The following DPH7 variants were observed in gnomAD, a reference collection of about 807,000 sequenced individuals.
DPH7 encodes diphthamide biosynthesis 7.
Under a neutral mutation model 41.7 loss-of-function variants are expected in DPH7, and 44 were observed. The ratio of observed to expected loss-of-function variants is 1.05; its 90% CI spans 0.83 to 1.36. The LOEUF (loss-of-function observed/expected upper bound fraction) is 1.36. Ranked by LOEUF, DPH7 falls within the 40% of genes most tolerant of loss-of-function variation. The probability of loss-of-function intolerance (pLI) is 0.00; values close to 1 mark genes in which losing one functional copy is unlikely to be tolerated. For missense variants in DPH7, 629 were observed against 577.5 expected, an observed-to-expected ratio of 1.09 and a Z score of -0.91; for synonymous variants, 275 against 238.0, an observed-to-expected ratio of 1.16 and a Z score of -1.43.
chr9:137,561,034 A>G (rs3041760), intron 8 of DPH7, among the ~76,000 whole-genome samples: 129 of 129,542 alleles, frequency 1.0e-3, no homozygotes, highest in Middle Eastern at 3.8e-3. Context: ...AAAAAAAAAA[A>G]AAAAAAAGAA....
At chr9:137,569,970 C>T (rs565857037) in intron 5 of DPH7, among the ~76,000 whole-genome samples, 2 of 150,192 alleles carry the variant, frequency 1.3e-5, no homozygotes, top group East Asian at 4.0e-4. Context: ...TCCATCCATC[C>T]AGTCATCCAC....
chr9:137,561,542 CAAAAA>C (rs557915176), intron 8 of DPH7, among the ~76,000 whole-genome samples: 1 of 52,274 alleles, frequency 1.9e-5, no homozygotes. Flanking sequence ...GACTCCATCT[CAAAAA>C]AAAAAAAAAA....
intron 8 of DPH7, among the ~76,000 whole-genome samples, chr9:137,562,966 C>CA (rs928213098): frequency 8.9e-4 from 126 of 142,246 alleles, no homozygotes; most frequent in South Asian, 3.1e-3. Flanking sequence ...GACTCCATCT[C>CA]AAAAAAAAAA....
In DPH7 at chr9:137,575,413, A is replaced by C. The variant is rs1841204905; in HGVS notation, c.376-570T>G. 4.0e-6 allele frequency: 4 copies of C among 988,766 alleles called. No individual in the cohort carries two copies. In the South Asian group the frequency reaches 1.9e-4, roughly 46 times the overall value. 61.2% of individuals were successfully genotyped at this position (988,766 alleles called of 1,614,324 possible). On this transcript the variant is annotated intron_variant, in intron 3 of 8. Coordinates refer to ENST00000277540, the MANE Select transcript of DPH7 (RefSeq NM_138778.5). ...TGTACCAAAGCCCTTTCCTGGGTTC[A>C]TGCACTCCTCCCTTGGGCCCACAGC...
At chr9:137,573,080 G>A (rs1469428801) in intron 5 of DPH7, among the ~76,000 whole-genome samples, 1 of 152,226 alleles carries the variant, frequency 6.6e-6, no homozygotes, top group Admixed American at 6.5e-5. Context: ...AGAATAAGTG[G>A]GCGGGGCAAG....
intron 2 of DPH7, among the ~76,000 whole-genome samples, chr9:137,576,839 G>A (rs542460173): frequency 2.3e-4 from 35 of 151,736 alleles, no homozygotes; most frequent in Middle Eastern, 3.4e-3. Context: ...GCAGTGAGCC[G>A]AGACCGCGCC....
rs1484992698 is a variant in DPH7 at position 137,577,469 on chromosome 9, C to T, written c.287+1G>A. ...ACCCAGTGGGATTATCACAGTTATA[C>T]CATTTCATGTCCAGGATTGCAGAAG... is the stretch of plus-strand genomic sequence containing the variant. On this transcript the variant is annotated splice_donor_variant, in intron 2 of 8. Coordinates refer to ENST00000277540, the MANE Select transcript of DPH7 (RefSeq NM_138778.5). LOFTEE classifies it high-confidence loss of function. 3 of 1,613,844 alleles carry T rather than the reference C, an allele frequency of 1.9e-6. No individual in the cohort carries two copies. The highest frequency in any genetic ancestry group is 2.5e-6 in the Non-Finnish European group (3 of 1,179,882).
rs564062638 is a variant in DPH7 at position 137,571,061 on chromosome 9, G to A, written c.640+3147C>T. Among the ~76,000 whole-genome samples, 4 of 152,310 alleles carry A rather than the reference G, an allele frequency of 2.6e-5. No homozygotes were observed. In the South Asian group the frequency reaches 8.3e-4, roughly 32 times the overall value. ...TAGTCCCAGCTACTCAGAAGGCTGA[G>A]GCAGGAGGATCGCTTGACCCTGGGA... On this transcript the variant is annotated intron_variant, in intron 5 of 8. Coordinates refer to ENST00000277540, the MANE Select transcript of DPH7 (RefSeq NM_138778.5).
Position 137,555,151 on chromosome 9 carries a change from G to A in DPH7, c.*88C>T. On this transcript the variant is annotated 3_prime_UTR_variant, in exon 9 of 9. Coordinates refer to ENST00000277540, the MANE Select transcript of DPH7 (RefSeq NM_138778.5). ...GTGCACAGGCACCTGCAGGGCTGCA[G>A]TAAGCATCTCTGATGAGGTGGTCCC... 10 of 1,461,412 alleles carry A rather than the reference G, an allele frequency of 6.8e-6. No homozygotes were observed. The highest frequency in any genetic ancestry group is 2.3e-5 in the East Asian group (1 of 42,692). The allele number at this position is 1,461,412 out of a possible 1,614,324, so 90.5% of individuals were successfully genotyped here.
rs1839377257 is a variant in DPH7, at chr9:137,565,125, C to T, written c.670G>A (p.Asp224Asn). The stretch of plus-strand genomic sequence containing the variant: ...AGAAATTTGCCGGGTACCCTGGTGT[C>T]CCAGCCCCTCAGAAGGCCATCGTCG... ...GGDDGLLRGWDTRVPGKFLFT... is the reference protein window; with the variant it reads ...GGDDGLLRGWNTRVPGKFLFT... Residue 224 changes from aspartate to asparagine, a missense_variant, in exon 6 of 9, where the codon GAC becomes AAC. By Grantham distance (23) the Asp-to-Asn change is conservative. Coordinates refer to ENST00000277540, the MANE Select transcript of DPH7 (RefSeq NM_138778.5). 1 of 1,614,020 alleles carries T rather than the reference C, an allele frequency of 6.2e-7. No individual in the cohort carries two copies.
chr9:137,575,283 G>C (rs563824767), intron 3 of DPH7: 6 of 993,968 alleles, frequency 6.0e-6, no homozygotes, highest in Admixed American at 5.9e-5. Flanking sequence ...CAGAAGCCGC[G>C]AGCAGCCATG....
intron 8 of DPH7, among the ~76,000 whole-genome samples, chr9:137,561,129 T>A (rs1208458141): frequency 6.6e-6 from 1 of 151,440 alleles, no homozygotes; most frequent in Non-Finnish European, 1.5e-5. Flanking sequence ...GAAAAGGGAG[T>A]TATTGACACA....
At chr9:137,559,336 C>A (rs1048548266) in intron 8 of DPH7, among the ~76,000 whole-genome samples, 1 of 152,206 alleles carries the variant, frequency 6.6e-6, no homozygotes, top group South Asian at 2.1e-4. Context: ...ACGCCCGTTG[C>A]CAGGCGGACC....
intron 5 of DPH7, among the ~76,000 whole-genome samples, chr9:137,569,318 C>A (rs1839975338): frequency 8.5e-6 from 1 of 118,226 alleles, no homozygotes; most frequent in African/African-American, 3.1e-5. Context: ...CCCCCACCCA[C>A]CCCCCACCCA....
At position 137,574,847 on chromosome 9, in the gene DPH7, C is replaced by A. The variant is rs751487438; in HGVS notation, c.376-4G>T. 2 of 1,613,774 alleles carry A rather than the reference C, an allele frequency of 1.2e-6. No homozygotes were observed. Among genetic ancestry groups the A allele is most frequent in the Non-Finnish European group, 8.5e-7 (1 of 1,179,928 alleles). ...ATGGCTCCAGCACGTGGCTCTTCTA[C>A]TGGAGAAGAAGAAACTCCATCAAAG... On this transcript the variant is annotated splice_polypyrimidine_tract_variant and splice_region_variant and intron_variant, in intron 3 of 8. Transcript: ENST00000277540.
At position 137,575,767 on chromosome 9, in the gene DPH7, CT is replaced by C. The variant is rs933378710; in HGVS notation, c.375+312del. On this transcript the variant is annotated intron_variant, in intron 3 of 8. Transcript: ENST00000277540. ...TTCACACAGGATGCTCACTGCTACT[CT>C]GGGCCCCAGCATCAACCTAAGAATG... The C allele has an allele frequency of 7.8e-6, 9 of 1,161,042 alleles. No homozygotes were observed. The Middle Eastern group carries it at 2.2e-3, about 287-fold the overall frequency. The allele number at this position is 1,161,042 out of a possible 1,614,324, so 71.9% of individuals were successfully genotyped here.
intron 8 of DPH7, among the ~76,000 whole-genome samples, 155 bp from the exon 9 acceptor site, chr9:137,555,803 A>T (rs535474484): frequency 6.6e-6 from 1 of 152,122 alleles, no homozygotes; most frequent in East Asian, 1.9e-4. Flanking sequence ...AACCAGCAAG[A>T]CCTGGGCATA....
chr9:137,569,282 A>C, intron 5 of DPH7, among the ~76,000 whole-genome samples: 1 of 110,534 alleles, frequency 9.0e-6, no homozygotes. Context: ...CACCCTATCC[A>C]AAATTCCACC....
rs538121518 is a variant in DPH7, at chr9:137,557,233, C to T, written c.950-1585G>A. Among the ~76,000 whole-genome samples, 13 of 152,326 alleles carry T rather than the reference C, an allele frequency of 8.5e-5. No individual in the cohort carries two copies. In the East Asian group the frequency reaches 1.2e-3, roughly 14 times the overall value. On this transcript the variant is annotated intron_variant, in intron 8 of 8. Transcript: ENST00000277540. ...CAAATTGTTTTAAAATTAGGCCGGGCGCGGTGGCTCACACCTGTAATCCCA... is the reference window on the plus strand; with the variant it reads ...CAAATTGTTTTAAAATTAGGCCGGGTGCGGTGGCTCACACCTGTAATCCCA...
Sources: allele counts gnomAD v4.1 joint callset (sites outside exome capture counted in the v4.1 genomes callset), GRCh38; gene constraint gnomAD v4.1.1; transcripts MANE v1.5; gene names NCBI Gene and HGNC (gene_info 2026-07-23, HGNC 2026-07-21).